Variants in BRINP3 observed in about 807,000 individuals in gnomAD.
The protein encoded by BRINP3 is BMP/retinoic acid-inducible neural-specific protein 3.
A neutral mutation model predicts 71.0 loss-of-function variants in BRINP3; 19 were observed. The ratio of observed to expected loss-of-function variants is 0.27; its 90% CI spans 0.19 to 0.39. The LOEUF (loss-of-function observed/expected upper bound fraction) is 0.39. BRINP3 is among the 10% of genes least tolerant of loss of function. The pLI, the probability that BRINP3 is intolerant of heterozygous loss-of-function variation, is 1.00. For missense variants in BRINP3, 959 were observed against 940.8 expected, an observed-to-expected ratio of 1.02 and a Z score of -0.25; for synonymous variants, 380 against 337.7, an observed-to-expected ratio of 1.13 and a Z score of -1.37.
At chr1:190,368,748 C>A (rs12093281) in intron 2 of BRINP3, among the ~76,000 whole-genome samples, 2,437 of 152,094 alleles carry the variant, frequency 0.016, 59 homozygotes, top group African/African-American at 0.056. Flanking sequence ...TAAATTTCCT[C>A]GGGCTCCAGA....
intron 1 of BRINP3, among the ~76,000 whole-genome samples, chr1:190,469,052 TTC>T (rs1419188527): frequency 6.6e-6 from 1 of 151,098 alleles, no homozygotes; most frequent in Non-Finnish European, 1.5e-5. Flanking sequence ...AAGCACAGAT[TTC>T]TTCATAATTG....
intron 2 of BRINP3, among the ~76,000 whole-genome samples, chr1:190,363,914 C>G (rs1478427839): frequency 6.6e-6 from 1 of 151,968 alleles, no homozygotes; most frequent in African/African-American, 2.4e-5. Flanking sequence ...GGAGGAGGTA[C>G]AGATTTGAAT....
chr1:190,392,058 CAA>C (rs11307676), intron 2 of BRINP3, among the ~76,000 whole-genome samples: 54,641 of 149,602 alleles, frequency 0.37, 10,954 homozygotes, highest in Admixed American at 0.49. Context: ...TTAGCTTGGC[CAA>C]AAAAAAAAAA....
chr1:190,203,743 T>A (rs1655218342), intron 6 of BRINP3, among the ~76,000 whole-genome samples: 1 of 100,300 alleles, frequency 1.0e-5, no homozygotes, highest in African/African-American at 3.7e-5. Context: ...AAGATATCAC[T>A]AAAGAAAATA....
At chr1:190,413,447 A>T (rs1223898047) in intron 2 of BRINP3, among the ~76,000 whole-genome samples, 2 of 152,240 alleles carry the variant, frequency 1.3e-5, no homozygotes, top group Non-Finnish European at 2.9e-5. Flanking sequence ...TAAGTAAAAT[A>T]TCTTTAAATG....
chr1:190,400,230 C>T (rs1571953348), intron 2 of BRINP3, among the ~76,000 whole-genome samples: 1 of 151,772 alleles, frequency 6.6e-6, no homozygotes, highest in Non-Finnish European at 1.5e-5. Context: ...TTGGATATTC[C>T]CATAATTTGG....
At chr1:190,320,625 G>C (rs1666174721) in intron 2 of BRINP3, among the ~76,000 whole-genome samples, 1 of 151,902 alleles carries the variant, frequency 6.6e-6, no homozygotes, top group African/African-American at 2.4e-5. Context: ...ATAAGAACCA[G>C]CCCTGGACAG....
chr1:190,140,554 TAC>T (rs898118614), intron 7 of BRINP3, among the ~76,000 whole-genome samples: 2 of 152,162 alleles, frequency 1.3e-5, no homozygotes, highest in African/African-American at 4.8e-5. Context: ...TTTATATTAA[TAC>T]AGTTTAATTT....
intron 2 of BRINP3, among the ~76,000 whole-genome samples, chr1:190,285,963 C>A (rs778695862): frequency 1.3e-5 from 2 of 152,046 alleles, no homozygotes; most frequent in Non-Finnish European, 2.9e-5. Flanking sequence ...CTACTTGGAG[C>A]CTTCACAGAA....
Position 190,346,397 on chromosome 1 carries a change from A to T in BRINP3, c.237-64647T>A, listed in dbSNP as rs543583981. Among the ~76,000 whole-genome samples, 6 of 152,234 alleles carry T rather than the reference A, an allele frequency of 3.9e-5. No homozygotes were observed. In the South Asian group the frequency reaches 6.2e-4, roughly 16 times the overall value. On this transcript the variant is annotated intron_variant, in intron 2 of 7. Coordinates refer to ENST00000367462, the MANE Select transcript of BRINP3 (RefSeq NM_199051.3). ...ATATATAGTTAGTTGTATGCAAGACATTCTTACACTTTTTTCTCTTTAAAT... is the reference window on the plus strand; with the variant it reads ...ATATATAGTTAGTTGTATGCAAGACTTTCTTACACTTTTTTCTCTTTAAAT...
At chr1:190,248,261 G>T (rs1659797822) in intron 4 of BRINP3, among the ~76,000 whole-genome samples, 1 of 149,856 alleles carries the variant, frequency 6.7e-6, no homozygotes, top group African/African-American at 2.5e-5. Context: ...ATTTTCCTTT[G>T]TTTTTTTTAA....
At chr1:190,342,980 G>C (rs746503861) in intron 2 of BRINP3, among the ~76,000 whole-genome samples, 1 of 151,812 alleles carries the variant, frequency 6.6e-6, no homozygotes, top group African/African-American at 2.4e-5. Flanking sequence ...TAAGGAGGTA[G>C]ACTTCATTCA....
intron 2 of BRINP3, among the ~76,000 whole-genome samples, chr1:190,453,201 G>GTTT (rs745819844): frequency 0.02 from 757 of 37,812 alleles, 67 homozygotes; most frequent in Non-Finnish European, 0.037. Flanking sequence ...AAAAACTTTA[G>GTTT]TATTTTTTTT....
intron 2 of BRINP3, among the ~76,000 whole-genome samples, chr1:190,362,672 C>T (rs972635330): frequency 1.3e-5 from 2 of 152,022 alleles, no homozygotes; most frequent in African/African-American, 4.8e-5. Flanking sequence ...AGGTTGATTC[C>T]CCCATAGTGT....
intron 2 of BRINP3, among the ~76,000 whole-genome samples, chr1:190,295,732 C>A (rs1042197928): frequency 2.6e-5 from 4 of 151,790 alleles, no homozygotes; most frequent in African/African-American, 9.7e-5. Flanking sequence ...GCAGGGCCAG[C>A]ACTAAGTTCC....
intron 2 of BRINP3, among the ~76,000 whole-genome samples, chr1:190,341,806 A>T (rs1169846687): frequency 6.6e-6 from 1 of 151,854 alleles, no homozygotes; most frequent in Non-Finnish European, 1.5e-5. Context: ...ATTATCAGGA[A>T]GCAATACTAA....
intron 7 of BRINP3, among the ~76,000 whole-genome samples, chr1:190,117,467 T>C (rs1395872767): frequency 2.0e-5 from 3 of 152,010 alleles, no homozygotes; most frequent in African/African-American, 7.2e-5. Flanking sequence ...AGGACCCAGG[T>C]ATTTTTTAGC....
chr1:190,125,416 A>G (rs866256587), intron 7 of BRINP3, among the ~76,000 whole-genome samples: 2 of 151,726 alleles, frequency 1.3e-5, no homozygotes, highest in Non-Finnish European at 2.9e-5. Flanking sequence ...CTCTTTTACA[A>G]TGCTTTAAAA....
chr1:190,444,939 C>T (rs1039340569), intron 2 of BRINP3, among the ~76,000 whole-genome samples: 2 of 152,086 alleles, frequency 1.3e-5, no homozygotes, highest in African/African-American at 4.8e-5. Flanking sequence ...TAATTTTTTT[C>T]AACCAACATG....
Sources: allele counts gnomAD v4.1 joint callset (sites outside exome capture counted in the v4.1 genomes callset), GRCh38; gene constraint gnomAD v4.1.1; transcripts MANE v1.5; gene names NCBI Gene and HGNC (gene_info 2026-07-23, HGNC 2026-07-21).